Variants in CXADR observed in about 807,000 individuals in gnomAD.
CXADR encodes the protein CXADR cell adhesion molecule, also known as coxsackievirus and adenovirus receptor.
CXADR carries 20 observed loss-of-function variants against 40.3 expected under a neutral mutation model. The ratio of observed to expected loss-of-function variants is 0.50; its 90% CI spans 0.35 to 0.72. The LOEUF is 0.72. Among genes scored for constraint, CXADR ranks in the 30% least tolerant of loss-of-function variants. The pLI is 0.01. For synonymous variants in CXADR, 150 were observed against 161.3 expected, an observed-to-expected ratio of 0.93 and a Z score of 0.53; for missense variants, 332 against 449.1, an observed-to-expected ratio of 0.74 and a Z score of 2.36.
chr21:17,590,064 T>C (rs1348364441), intron 7 of CXADR, among the ~76,000 whole-genome samples: 2 of 152,138 alleles, frequency 1.3e-5, no homozygotes, highest in Non-Finnish European at 2.9e-5. Flanking sequence ...TATGGATTTA[T>C]ATTTTATAAA....
At chr21:17,594,254 C>T (rs147482425), downstream of CXADR, 152 of 1,613,166 alleles carry the variant, frequency 9.4e-5, no homozygotes, top group Non-Finnish European at 1.2e-4. Flanking sequence ...TTCTGATGGC[C>T]ATTCCCTCGA....
At chr21:17,549,109 C>T (rs980162096) in intron 2 of CXADR, among the ~76,000 whole-genome samples, 4 of 152,172 alleles carry the variant, frequency 2.6e-5, no homozygotes, top group African/African-American at 4.8e-5. Flanking sequence ...CTGTAAACAG[C>T]GTGCTTGGGC....
At chr21:17,624,882 A>G in the CXADR span, among the ~76,000 whole-genome samples, 1 of 152,158 alleles carries the variant, frequency 6.6e-6, no homozygotes, top group South Asian at 2.1e-4. Flanking sequence ...TTGCCCAGGT[A>G]TCACCAGATC....
In CXADR at chr21:17,566,406, G is replaced by T. The variant is rs185507452; in HGVS notation, c.*714G>T. On this transcript the variant is annotated 3_prime_UTR_variant, in exon 7 of 7. Transcript: ENST00000284878. ...TCTATCAGATTAAGTTAGAACATTT[G>T]CTGTCAGCCACATATTGAGATGACA... 4.3e-4 allele frequency: 422 copies of T among 985,370 alleles called. 2 individuals carry two copies. The African/African-American group carries it at 6.8e-3, about 16-fold the overall frequency. 61.0% of individuals were successfully genotyped at this position (985,370 alleles called of 1,614,324 possible).
the CXADR span, among the ~76,000 whole-genome samples, chr21:17,599,608 T>C: frequency 4.6e-5 from 7 of 152,082 alleles, no homozygotes; most frequent in African/African-American, 1.4e-4. Context: ...GCCTCCTAAG[T>C]AGCTGGGATT....
chr21:17,526,738 T>A (rs1483858667), intron 1 of CXADR, among the ~76,000 whole-genome samples: 1 of 152,242 alleles, frequency 6.6e-6, no homozygotes, highest in Non-Finnish European at 1.5e-5. Flanking sequence ...CACTATTTGC[T>A]CATTTTGCTA....
chr21:17,520,873 G>A (rs1400549278), intron 1 of CXADR, among the ~76,000 whole-genome samples: 2 of 152,168 alleles, frequency 1.3e-5, no homozygotes, highest in Non-Finnish European at 2.9e-5. Flanking sequence ...ATAAAAAGGA[G>A]CAGGTTTTAG....
chr21:17,603,747 C>G, the CXADR span, among the ~76,000 whole-genome samples: 11 of 152,292 alleles, frequency 7.2e-5, 1 homozygote, highest in African/African-American at 2.6e-4. Context: ...ATCCTTCCCA[C>G]CTTGTCACCT....
At chr21:17,539,373 C>T (rs538932910) in intron 1 of CXADR, among the ~76,000 whole-genome samples, 4 of 152,300 alleles carry the variant, frequency 2.6e-5, no homozygotes, top group African/African-American at 7.2e-5. Context: ...TTTAGATTCT[C>T]AGGGGATCTA....
At chr21:17,534,277 A>G (rs1018955184) in intron 1 of CXADR, among the ~76,000 whole-genome samples, 4 of 151,106 alleles carry the variant, frequency 2.6e-5, no homozygotes, top group Admixed American at 1.3e-4. Context: ...CTGTATTTTT[A>G]GTAGAGACGG....
chr21:17,573,278 A>G (rs1769527142), downstream of CXADR, among the ~76,000 whole-genome samples: 3 of 152,158 alleles, frequency 2.0e-5, no homozygotes, highest in Admixed American at 2.0e-4. Context: ...TCTGTTTCCA[A>G]ACAAGGTCAC....
downstream of CXADR, chr21:17,594,034 T>G: frequency 6.4e-7 from 1 of 1,552,504 alleles, no homozygotes; most frequent in Non-Finnish European, 8.7e-7. Context: ...ACTTTTAATG[T>G]GTAGTAAGGT....
chr21:17,594,506 G>A (rs747791396), downstream of CXADR, among the ~76,000 whole-genome samples: 2 of 152,008 alleles, frequency 1.3e-5, no homozygotes, highest in Non-Finnish European at 2.9e-5. Flanking sequence ...GGCGTATAAT[G>A]TATAACAGGT....
At chr21:17,592,409 T>A (rs553553455) in intron 7 of CXADR, among the ~76,000 whole-genome samples, 1 of 152,000 alleles carries the variant, frequency 6.6e-6, no homozygotes, top group South Asian at 2.1e-4. Flanking sequence ...ATTTTTTTAA[T>A]TTTTGAGTAT....
chr21:17,626,118 A>G, the CXADR span, among the ~76,000 whole-genome samples: 2 of 151,982 alleles, frequency 1.3e-5, no homozygotes, highest in Non-Finnish European at 2.9e-5. Flanking sequence ...TCGGTTTCCT[A>G]TGCATTTCCC....
chr21:17,523,545 A>G (rs1448361301), intron 1 of CXADR, among the ~76,000 whole-genome samples: 1 of 144,746 alleles, frequency 6.9e-6, no homozygotes, highest in Admixed American at 6.8e-5. Context: ...CATCTGTCAT[A>G]GAAGTCATCA....
the CXADR span, among the ~76,000 whole-genome samples, chr21:17,600,160 G>A: frequency 1.8e-4 from 27 of 152,146 alleles, no homozygotes; most frequent in Admixed American, 1.6e-3. Flanking sequence ...ATTCTGAACT[G>A]TAGGAAAATA....
intron 6 of CXADR, among the ~76,000 whole-genome samples, chr21:17,565,169 T>C (rs990833171): frequency 6.6e-6 from 1 of 152,178 alleles, no homozygotes; most frequent in African/African-American, 2.4e-5. Flanking sequence ...TCATCTACAT[T>C]TGTGTAAATA....
chr21:17,594,438 C>G, downstream of CXADR: 23 of 1,277,828 alleles, frequency 1.8e-5, no homozygotes, highest in African/African-American at 4.5e-5. Context: ...ACTGAGATCA[C>G]ATCTAAGTGA....
Sources: gnomAD v4.1 joint callset for allele counts (sites outside exome capture counted in the v4.1 genomes callset) on GRCh38, gnomAD v4.1.1 for gene constraint, MANE v1.5 for transcripts, NCBI Gene and HGNC (gene_info 2026-07-23, HGNC 2026-07-21) for gene names.